CHCHD3: variants seen among roughly 807,000 people sequenced by gnomAD.
CHCHD3 encodes MICOS complex subunit MIC19.
CHCHD3 carries 20 observed loss-of-function variants against 38.2 expected under a neutral mutation model. The ratio of observed to expected loss-of-function variants is 0.52; its 90% confidence interval spans 0.37 to 0.76. The LOEUF (loss-of-function observed/expected upper bound fraction) is 0.76. Among genes scored for constraint, CHCHD3 ranks in the 30% least tolerant of loss-of-function variants. The probability of loss-of-function intolerance (pLI) is 0.00; values close to 1 mark genes in which losing one functional copy is unlikely to be tolerated. For missense variants in CHCHD3, 245 were observed against 279.2 expected, an observed-to-expected ratio of 0.88 and a Z score of 0.87; for synonymous variants, 82 against 100.0, an observed-to-expected ratio of 0.82 and a Z score of 1.07.
intron 5 of CHCHD3, 147 bp downstream of exon 5, chr7:132,885,515 C>G (rs957015016): frequency 1.0e-5 from 6 of 602,542 alleles, no homozygotes; most frequent in Non-Finnish European, 1.7e-5. Context: ...TTACAGAGGA[C>G]GAACTAACTA....
chr7:132,827,010 A>C (rs2117077515), intron 6 of CHCHD3, among the ~76,000 whole-genome samples: 1 of 152,294 alleles, frequency 6.6e-6, no homozygotes, highest in Admixed American at 6.5e-5. Context: ...ACAGTAATAA[A>C]ATACTCTGAA....
intron 4 of CHCHD3, chr7:132,972,780 T>G: frequency 1.0e-6 from 1 of 985,428 alleles, no homozygotes; most frequent in Non-Finnish European, 1.2e-6. Context: ...TTACAACAGA[T>G]GCTGAAATAC....
intron 4 of CHCHD3, among the ~76,000 whole-genome samples, chr7:132,944,647 G>A (rs1386655303): frequency 1.3e-5 from 2 of 151,706 alleles, no homozygotes; most frequent in Non-Finnish European, 2.9e-5. Flanking sequence ...AGTAAAATAT[G>A]AGCCGAAATT....
intron 6 of CHCHD3, among the ~76,000 whole-genome samples, chr7:132,799,002 C>T (rs909445193): frequency 1.6e-4 from 23 of 143,722 alleles, no homozygotes; most frequent in African/African-American, 6.1e-4. Context: ...GTTTGGTGAT[C>T]TGTTCTGTGT....
At chr7:132,837,978 T>G (rs956435324) in intron 6 of CHCHD3, among the ~76,000 whole-genome samples, 7 of 152,122 alleles carry the variant, frequency 4.6e-5, no homozygotes, top group Admixed American at 3.9e-4. Context: ...TGTGAAGAAA[T>G]GAAAACAGCC....
intron 4 of CHCHD3, among the ~76,000 whole-genome samples, chr7:132,886,568 A>G (rs1429688499): frequency 6.6e-6 from 1 of 151,668 alleles, no homozygotes; most frequent in Non-Finnish European, 1.5e-5. Flanking sequence ...TGTTTTCAAC[A>G]TATTTTTTGC....
At chr7:133,044,072 C>A (rs1304536345) in intron 2 of CHCHD3, among the ~76,000 whole-genome samples, 1 of 152,138 alleles carries the variant, frequency 6.6e-6, no homozygotes, top group Non-Finnish European at 1.5e-5. Context: ...TTAAACACTG[C>A]ATGACTATGA....
At chr7:132,893,209 G>T (rs1585611325) in intron 4 of CHCHD3, among the ~76,000 whole-genome samples, 2 of 152,194 alleles carry the variant, frequency 1.3e-5, no homozygotes, top group South Asian at 4.1e-4. Flanking sequence ...CCCACCTCTT[G>T]CATGAGGGTG....
intron 1 of CHCHD3, among the ~76,000 whole-genome samples, chr7:133,077,898 C>G (rs894016396): frequency 0.014 from 11 of 802 alleles, no homozygotes; most frequent in Non-Finnish European, 0.026. Flanking sequence ...AAAACAAGAC[C>G]CTACAATACC....
intron 5 of CHCHD3, among the ~76,000 whole-genome samples, chr7:132,839,847 T>C (rs80063574): frequency 0.035 from 5,406 of 152,312 alleles, 134 homozygotes; most frequent in Non-Finnish European, 0.051. Flanking sequence ...TATCAACCTA[T>C]AGTCCCCTAC....
At chr7:132,811,100 C>T (rs1302212766) in intron 6 of CHCHD3, among the ~76,000 whole-genome samples, 1 of 152,160 alleles carries the variant, frequency 6.6e-6, no homozygotes, top group African/African-American at 2.4e-5. Flanking sequence ...AAAGATAACT[C>T]CCTCATCTTC....
At chr7:132,915,837 T>C (rs972626544) in intron 4 of CHCHD3, among the ~76,000 whole-genome samples, 1 of 152,160 alleles carries the variant, frequency 6.6e-6, no homozygotes, top group Non-Finnish European at 1.5e-5. Flanking sequence ...AACTTCTTCG[T>C]TAATGTTTAA....
chr7:133,080,654 A>G (rs991307353), intron 1 of CHCHD3, among the ~76,000 whole-genome samples: 1 of 152,238 alleles, frequency 6.6e-6, no homozygotes, highest in African/African-American at 2.4e-5. Context: ...ACAGCCTCAG[A>G]TATTTTATTA....
intron 3 of CHCHD3, among the ~76,000 whole-genome samples, chr7:132,994,615 C>T (rs564980564): frequency 6.6e-6 from 1 of 152,274 alleles, no homozygotes; most frequent in East Asian, 1.9e-4. Flanking sequence ...ACTTGAAACC[C>T]ACTCCAGCAA....
At chr7:132,859,912 C>T (rs1030145342) in intron 5 of CHCHD3, among the ~76,000 whole-genome samples, 1 of 152,204 alleles carries the variant, frequency 6.6e-6, no homozygotes, top group Admixed American at 6.5e-5. Flanking sequence ...GCCTCTGATT[C>T]CATACTCAAT....
At chr7:132,809,636 C>A (rs1300877239) in intron 6 of CHCHD3, among the ~76,000 whole-genome samples, 2 of 152,114 alleles carry the variant, frequency 1.3e-5, no homozygotes, top group African/African-American at 4.8e-5. Flanking sequence ...TCTGTTAAAC[C>A]ACTATTACCT....
intron 4 of CHCHD3, among the ~76,000 whole-genome samples, chr7:132,889,488 A>C (rs1362772764): frequency 2.6e-5 from 4 of 152,140 alleles, no homozygotes; most frequent in Non-Finnish European, 5.9e-5. Flanking sequence ...CTATATGCTC[A>C]CTCACTTTTC....
At chr7:132,994,303 TAATC>T (rs1297406026) in intron 3 of CHCHD3, among the ~76,000 whole-genome samples, 1 of 152,150 alleles carries the variant, frequency 6.6e-6, no homozygotes, top group Non-Finnish European at 1.5e-5. Context: ...TCACTAATAA[TAATC>T]AAACATAATG....
At chr7:132,793,985 C>A (rs1354351021) in intron 7 of CHCHD3, among the ~76,000 whole-genome samples, 2 of 152,158 alleles carry the variant, frequency 1.3e-5, no homozygotes, top group Non-Finnish European at 2.9e-5. Flanking sequence ...AAAGGACAAC[C>A]TGGTATTGGA....
Sources: allele counts gnomAD v4.1 joint callset (sites outside exome capture counted in the v4.1 genomes callset), GRCh38; gene constraint gnomAD v4.1.1; transcripts MANE v1.5; gene names NCBI Gene and HGNC (gene_info 2026-07-23, HGNC 2026-07-21).